Variants in BLM observed in about 807,000 individuals in gnomAD.
BLM encodes the protein BLM RecQ like helicase.
BLM carries 95 observed loss-of-function variants against 135.3 expected under a neutral mutation model. That is an observed-to-expected ratio of 0.70 (90% confidence interval 0.59 to 0.83). The LOEUF (loss-of-function observed/expected upper bound fraction) is 0.83. Among genes scored for constraint, BLM ranks in the 40% least tolerant of loss-of-function variants. The pLI, the probability that BLM is intolerant of heterozygous loss-of-function variation, is 0.00. For missense variants in BLM, 1,518 were observed against 1,663.9 expected, an observed-to-expected ratio of 0.91 and a Z score of 1.53; for synonymous variants, 520 against 589.2, an observed-to-expected ratio of 0.88 and a Z score of 1.70.
intron 19 of BLM, 28 bp downstream of exon 19, chr15:90,804,387 T>C (rs1897240409): frequency 6.3e-7 from 1 of 1,588,452 alleles, no homozygotes; most frequent in African/African-American, 1.3e-5. Context: ...CTTTGTTACG[T>C]GGCACAGATT....
At position 90,809,260 on chromosome 15, in the gene BLM, G is replaced by C; in HGVS notation, c.3874+1G>C. 1 of 1,614,178 alleles carries C rather than the reference G, an allele frequency of 6.2e-7. No individual in the cohort carries two copies. The highest frequency in any genetic ancestry group is 8.5e-7 in the Non-Finnish European group (1 of 1,180,032). On this transcript the variant is annotated splice_donor_variant, in intron 20 of 21. Transcript: ENST00000355112. LOFTEE classifies it high-confidence loss of function. Reference sequence around the variant, plus strand: ...AAATACTCTGAATGGACATCGCCAGGTTAGTACACAGCCATGTGTGTTCTC... The same window carrying C: ...AAATACTCTGAATGGACATCGCCAGCTTAGTACACAGCCATGTGTGTTCTC...
At chr15:90,749,239 T>C (rs191602648) in intron 2 of BLM, 128 bp from the exon 3 acceptor site, 16 of 672,728 alleles carry the variant, frequency 2.4e-5, no homozygotes, top group African/African-American at 2.4e-4. Flanking sequence ...TCGAGAGAGA[T>C]GGATTCTTTG....
intron 1 of BLM, among the ~76,000 whole-genome samples, chr15:90,718,656 AT>A (rs1256739322): frequency 6.6e-6 from 1 of 152,196 alleles, no homozygotes; most frequent in African/African-American, 2.4e-5. Flanking sequence ...AAGAAATGAA[AT>A]TTCTGGGTCC....
intron 1 of BLM, among the ~76,000 whole-genome samples, chr15:90,724,744 C>T (rs1014347704): frequency 2.6e-5 from 4 of 152,160 alleles, no homozygotes; most frequent in Admixed American, 2.6e-4. Context: ...CCTCTCCAGG[C>T]ACACCAGCCT....
rs532036885 is a variant in BLM, at chr15:90,790,861, T to C, written c.3019+17T>C. On this transcript the variant is annotated intron_variant, in intron 15 of 21. Transcript: ENST00000355112. ...TTATAATGAGTAAGCTGGGCTCCAT[T>C]GTAGAGACATTCTGTCATCTTCAGC... is the stretch of plus-strand genomic sequence containing the variant. 7.0e-5 allele frequency: 112 copies of C among 1,603,646 alleles called. 2 individuals carry two copies. The Middle Eastern group carries it at 1.7e-3, about 24-fold the overall frequency.
chr15:90,780,954 A>C (rs1241439125), intron 12 of BLM, among the ~76,000 whole-genome samples: 1 of 152,240 alleles, frequency 6.6e-6, no homozygotes, highest in Non-Finnish European at 1.5e-5. Flanking sequence ...GGATTTAGGT[A>C]TCCGAGGAGG....
At chr15:90,720,618 A>AT (rs970478266) in intron 1 of BLM, among the ~76,000 whole-genome samples, 26 of 149,502 alleles carry the variant, frequency 1.7e-4, no homozygotes, top group South Asian at 2.1e-4. Context: ...CACTTGAGGA[A>AT]TTTTTTTTTT....
chr15:90,780,605 C>T (rs1162420954), intron 12 of BLM, among the ~76,000 whole-genome samples: 1 of 152,204 alleles, frequency 6.6e-6, no homozygotes, highest in Non-Finnish European at 1.5e-5. Flanking sequence ...TCTGCATCTG[C>T]AGATTCACCC....
chr15:90,732,821 C>T (rs1430189921), intron 1 of BLM, among the ~76,000 whole-genome samples: 1 of 152,130 alleles, frequency 6.6e-6, no homozygotes, highest in Non-Finnish European at 1.5e-5. Context: ...CTTGGCTGGG[C>T]GCAGTGGCTC....
intron 12 of BLM, among the ~76,000 whole-genome samples, chr15:90,776,371 T>C (rs910508424): frequency 2.0e-5 from 3 of 152,156 alleles, no homozygotes. Context: ...AGTAGTCTTA[T>C]TATTCTTTCA....
intron 1 of BLM, among the ~76,000 whole-genome samples, chr15:90,730,565 C>A (rs904080736): frequency 1.3e-5 from 2 of 151,834 alleles, no homozygotes; most frequent in Admixed American, 1.3e-4. Context: ...TCTCCTGTCT[C>A]AGCCTCCCAA....
intron 1 of BLM, among the ~76,000 whole-genome samples, chr15:90,727,087 C>T (rs1596198189): frequency 6.6e-6 from 1 of 152,216 alleles, no homozygotes; most frequent in South Asian, 2.1e-4. Context: ...TCTGCATCCT[C>T]ACCAGCATTT....
chr15:90,763,829 A>G (rs1032630517), intron 8 of BLM, among the ~76,000 whole-genome samples: 5 of 152,242 alleles, frequency 3.3e-5, no homozygotes, highest in African/African-American at 4.8e-5. Context: ...TCACATGAGA[A>G]TATTAAATCA....
intron 1 of BLM, among the ~76,000 whole-genome samples, chr15:90,736,443 A>G (rs113551262): frequency 1.3e-5 from 2 of 151,964 alleles, no homozygotes; most frequent in African/African-American, 4.8e-5. Context: ...AATTTTTTTT[A>G]TAGAGACGGA....
rs759223856 is a variant in BLM at position 90,784,997 on chromosome 15, C to T, written c.2739C>T (p.Leu913=). 1.4e-4 allele frequency: 229 copies of T among 1,613,996 alleles called. No homozygotes were observed. The highest frequency in any genetic ancestry group is 6.2e-4 in the Admixed American group (37 of 59,992). The change falls in exon 14 of 22, where the codon CTC becomes CTT. Residue 913 remains leucine, a synonymous_variant. Transcript: ENST00000355112. ...TMADTLQRDG[L]AALAYHAGLS... is the part of the protein sequence containing the mutation. ...CTGACACGTTACAGAGAGATGGGCT[C>T]GCTGCTCTTGCTTACCATGCTGGCC...
In BLM at chr15:90,747,397, C is replaced by T; in HGVS notation, c.5C>T (p.Ala2Val). 1 of 1,607,298 alleles carries T rather than the reference C, an allele frequency of 6.2e-7. No homozygotes were observed. Reference protein sequence around the residue: MAAVPQNNLQEQ... With the variant: MVAVPQNNLQEQ... Reference sequence around the variant, plus strand: ...TTTCCCTCACTTTTTAGGATTATGGCTGCTGTTCCTCAAAATAATCTACAG... The same window carrying T: ...TTTCCCTCACTTTTTAGGATTATGGTTGCTGTTCCTCAAAATAATCTACAG... The change falls in exon 2 of 22, where the codon GCT (alanine) becomes GTT (valine). Residue 2 changes from alanine (A) to valine (V), a missense_variant. Physicochemically the swap from Ala to Val is moderately conservative, Grantham distance 64. This residue lies in a region of BLM where 724 missense variants were observed against 756.9 expected (regional missense o/e 0.96). Transcript: ENST00000355112.
At chr15:90,723,057 G>C (rs1292741333) in intron 1 of BLM, among the ~76,000 whole-genome samples, 1 of 152,084 alleles carries the variant, frequency 6.6e-6, no homozygotes, top group Non-Finnish European at 1.5e-5. Flanking sequence ...GGCCAGGCTG[G>C]TCTTAAACTC....
chr15:90,744,563 G>T (rs188533531), intron 1 of BLM, among the ~76,000 whole-genome samples: 1 of 151,780 alleles, frequency 6.6e-6, no homozygotes, highest in Non-Finnish European at 1.5e-5. Flanking sequence ...GTAGAGACAG[G>T]GATTCACCAT....
At chr15:90,810,461 C>A (rs28385155) in intron 20 of BLM, among the ~76,000 whole-genome samples, 2 of 152,278 alleles carry the variant, frequency 1.3e-5, no homozygotes, top group East Asian at 3.9e-4. Context: ...GAGTCCTGTG[C>A]CCTCCATGCT....
Sources: allele counts gnomAD v4.1 joint callset (sites outside exome capture counted in the v4.1 genomes callset), GRCh38; gene constraint gnomAD v4.1.1; regional missense constraint gnomAD v4.1.1; transcripts MANE v1.5; gene names NCBI Gene and HGNC (gene_info 2026-07-23, HGNC 2026-07-21).